The following SRSF4 variants were observed in gnomAD, a reference collection of about 807,000 sequenced individuals.
SRSF4 encodes serine/arginine-rich splicing factor 4.
A neutral mutation model predicts 48.8 loss-of-function variants in SRSF4; 12 were observed. The observed-to-expected ratio is 0.25, with a 90% CI of 0.16 to 0.40. SRSF4 has a LOEUF of 0.40. Among genes scored for constraint, SRSF4 ranks in the 10% least tolerant of loss-of-function variants. The pLI, the probability that SRSF4 is intolerant of heterozygous loss-of-function variation, is 1.00. For missense variants in SRSF4, 466 were observed against 667.1 expected (o/e 0.70, Z 3.32); for synonymous variants, 248 against 232.5 (o/e 1.07, Z -0.61).
At position 29,148,569 on chromosome 1, in the gene SRSF4, G is replaced by A. The variant is rs554025721; in HGVS notation, c.1326C>T (p.Ser442=). Residue 442 remains serine (S), a synonymous_variant, in exon 6 of 6, where the codon TCC becomes TCT. Transcript: ENST00000373795. Reference sequence around the variant, plus strand: ...TCGATTTGGAATTGGATCTCGACCTGGACCGGGTCTCCTGATTGGTGCCAG... The same window carrying A: ...TCGATTTGGAATTGGATCTCGACCTAGACCGGGTCTCCTGATTGGTGCCAG... ...ENAGTNQETR[S]RSRSNSKSKP... The A allele has an allele frequency of 1.7e-5, 27 of 1,614,084 alleles. No homozygotes were observed. In the East Asian group the frequency reaches 6.0e-4, roughly 36 times the overall value.
At chr1:29,164,511 T>C (rs1480996769) in intron 1 of SRSF4, among the ~76,000 whole-genome samples, 1 of 152,248 alleles carries the variant, frequency 6.6e-6, no homozygotes. Context: ...TACATACTAT[T>C]ATATGTATGC....
intron 1 of SRSF4, chr1:29,171,986 C>T (rs958169470): frequency 6.6e-6 from 1 of 152,094 alleles, no homozygotes; most frequent in Non-Finnish European, 1.5e-5. Context: ...TGAACCAGGG[C>T]AATTTACGCT....
Position 29,160,521 on chromosome 1 carries a change from G to C in SRSF4, c.108-4C>G, listed in dbSNP as rs370259742. 1 of 1,598,874 alleles carries C rather than the reference G, an allele frequency of 6.3e-7. No individual in the cohort carries two copies. Among genetic ancestry groups the C allele is most frequent in the Non-Finnish European group, 8.5e-7 (1 of 1,174,280 alleles). On this transcript the variant is annotated splice_region_variant and splice_polypyrimidine_tract_variant and intron_variant, in intron 1 of 5. Transcript: ENST00000373795. ...ATCAAACTCCACAAAACCATATCTA[G>C]AAGAGAGCAAAGAAAATACTGGTTG...
intron 1 of SRSF4, among the ~76,000 whole-genome samples, chr1:29,162,210 G>C (rs1055936383): frequency 6.6e-6 from 1 of 152,200 alleles, no homozygotes; most frequent in Non-Finnish European, 1.5e-5. Context: ...TTAAAACATA[G>C]TTTCACGCTT....
In SRSF4 at chr1:29,159,366, G is replaced by T; in HGVS notation, c.363+8C>A. On this transcript the variant is annotated splice_region_variant and intron_variant, in intron 3 of 5. Transcript: ENST00000373795. ...AACCTTACCCCAAAAGGTTAATGGG[G>T]CCCAAACCTTTAGGTCTTGCCAGCT... 6.2e-7 allele frequency: 1 copy of T among 1,605,102 alleles called. No individual in the cohort carries two copies. The highest frequency in any genetic ancestry group is 8.5e-7 in the Non-Finnish European group (1 of 1,172,324).
At chr1:29,157,119 A>C (rs1672513255) in intron 3 of SRSF4, among the ~76,000 whole-genome samples, 2 of 152,144 alleles carry the variant, frequency 1.3e-5, no homozygotes, top group Non-Finnish European at 2.9e-5. Flanking sequence ...CAGTGCTTCA[A>C]AGGAGTGTCT....
At position 29,147,935 on chromosome 1, in the gene SRSF4, C is replaced by G. The variant is rs1258256912; in HGVS notation, c.*475G>C. 1 of 361,866 alleles carries G rather than the reference C, an allele frequency of 2.8e-6. No individual in the cohort carries two copies. The highest frequency in any genetic ancestry group is 7.4e-5 in the East Asian group (1 of 13,490). The allele number at this position is 361,866 out of a possible 1,614,324, so 22.4% of individuals were successfully genotyped here. A position where few individuals can be genotyped will look rare whatever the true frequency, so the allele number is the denominator to read the frequency against. ...TGGGTTACTGCAGGTATCAATTTTC[C>G]TCGACTGTGCTATTCACAACTTTGT... is the stretch of plus-strand genomic sequence containing the variant. On this transcript the variant is annotated 3_prime_UTR_variant, in exon 6 of 6. Coordinates refer to ENST00000373795, the MANE Select transcript of SRSF4 (RefSeq NM_005626.5).
chr1:29,164,286 T>C (rs1347505871), intron 1 of SRSF4, among the ~76,000 whole-genome samples: 1 of 152,254 alleles, frequency 6.6e-6, no homozygotes, highest in African/African-American at 2.4e-5. Flanking sequence ...TTTTAGTTCA[T>C]TTAAACACTT....
At chr1:29,168,102 G>A (rs927121986) in intron 1 of SRSF4, among the ~76,000 whole-genome samples, 1 of 150,590 alleles carries the variant, frequency 6.6e-6, no homozygotes, top group Non-Finnish European at 1.5e-5. Flanking sequence ...TGCAACCTCT[G>A]ACCCTGGGCT....
intron 3 of SRSF4, among the ~76,000 whole-genome samples, chr1:29,156,331 C>T (rs1022874925): frequency 2.8e-5 from 4 of 144,374 alleles, no homozygotes; most frequent in East Asian, 2.0e-4. Flanking sequence ...CTAGCCCAGG[C>T]GACAGAGCAA....
intron 1 of SRSF4, chr1:29,169,275 AACCT>A (rs1478764027): frequency 2.6e-5 from 4 of 152,180 alleles, no homozygotes; most frequent in African/African-American, 9.7e-5. Flanking sequence ...GCTAACCTAA[AACCT>A]GCATTCTACC....
chr1:29,174,743 G>A (rs916035241), intron 1 of SRSF4, among the ~76,000 whole-genome samples: 3 of 147,250 alleles, frequency 2.0e-5, no homozygotes, highest in African/African-American at 7.5e-5. Context: ...GCCCGATCTA[G>A]GCTCATTGCA....
rs75669593 is a variant in SRSF4, at chr1:29,152,621, T to C, written c.578+2075A>G. On this transcript the variant is annotated intron_variant, in intron 4 of 5. Transcript: ENST00000373795. The stretch of plus-strand genomic sequence containing the variant: ...TTCAGAAACACCCTTTTCTGTTAGA[T>C]AGATAGGCATTTTCTCGACGGGCAC... 1.9e-3 allele frequency among the ~76,000 whole-genome samples: 292 copies of C among 152,238 alleles called. 1 individual carries two copies. The highest frequency in any genetic ancestry group is 6.4e-3 in the African/African-American group (264 of 41,558).
intron 1 of SRSF4, among the ~76,000 whole-genome samples, chr1:29,161,542 G>A (rs2151816441): frequency 6.6e-6 from 1 of 152,282 alleles, no homozygotes; most frequent in South Asian, 2.1e-4. Flanking sequence ...CAAGTTACAA[G>A]ACTTGTCAGA....
At chr1:29,155,447 G>A (rs1292238646) in intron 3 of SRSF4, among the ~76,000 whole-genome samples, 1 of 151,950 alleles carries the variant, frequency 6.6e-6, no homozygotes, top group East Asian at 1.9e-4. Flanking sequence ...AAAAAATAAA[G>A]TTTTGTGTGA....
Position 29,149,099 on chromosome 1 carries a change from G to A in SRSF4, c.796C>T (p.Arg266Cys), listed in dbSNP as rs753974067. ...RSRSHSAGKS[R>C]SKSKDQAEEK... ...TCAGCTTGGTCTTTGCTCTTGCTGCGGCTCTTGCCAGCGCTATGGCTGCGG... is the reference window on the plus strand; with the variant it reads ...TCAGCTTGGTCTTTGCTCTTGCTGCAGCTCTTGCCAGCGCTATGGCTGCGG... The change falls in exon 6 of 6, where the codon CGC (arginine) becomes TGC (cysteine). Residue 266 changes from arginine to cysteine, a missense_variant. Arg to Cys is a radical substitution (Grantham distance 180). This residue lies in a region of SRSF4 where 402 missense variants were observed against 437.0 expected (regional missense o/e 0.92). Coordinates refer to ENST00000373795, the MANE Select transcript of SRSF4 (RefSeq NM_005626.5). 1.2e-5 allele frequency: 19 copies of A among 1,611,686 alleles called. No homozygotes were observed. The highest frequency in any genetic ancestry group is 1.1e-4 in the South Asian group (10 of 90,990).
intron 4 of SRSF4, 166 bp downstream of exon 4, chr1:29,154,529 TA>T (rs756304907): frequency 2.4e-4 from 160 of 674,862 alleles, no homozygotes; most frequent in Middle Eastern, 4.1e-4. Flanking sequence ...ACTCATGACC[TA>T]AGAGTTCAAG....
In SRSF4 at chr1:29,178,353, C is replaced by CTTCTTTTTTTTTT. The variant is rs141096220; in HGVS notation, c.107+3292_107+3293insAAAAAAAAAAGAA. Among the ~76,000 whole-genome samples the CTTCTTTTTTTTTT allele has an allele frequency of 1.0e-3, 134 of 127,858 alleles. 3 individuals are homozygous for CTTCTTTTTTTTTT. Among genetic ancestry groups the CTTCTTTTTTTTTT allele is most frequent in the Middle Eastern group, 4.6e-3 (1 of 216 alleles). The allele number at this position is 127,858 out of a possible 152,430, so 83.9% of individuals were successfully genotyped here. A position where few individuals can be genotyped will look rare whatever the true frequency, so the allele number is the denominator to read the frequency against. On this transcript the variant is annotated intron_variant, in intron 1 of 5. Coordinates refer to ENST00000373795, the MANE Select transcript of SRSF4 (RefSeq NM_005626.5). Reference sequence around the variant, plus strand: ...AAAATCTGTTTCTGAGTTTCAATTACTTTTTTTTTTGAGACAGAGTCTCGC... The same window carrying CTTCTTTTTTTTTT: ...AAAATCTGTTTCTGAGTTTCAATTACTTCTTTTTTTTTTTTTTTTTTTTGAGACAGAGTCTCGC...
At chr1:29,149,687 G>GAAAAAAA (rs539756933) in intron 5 of SRSF4, among the ~76,000 whole-genome samples, 2 of 92,530 alleles carry the variant, frequency 2.2e-5, no homozygotes, top group African/African-American at 3.6e-5. Flanking sequence ...TCTTGAGGGG[G>GAAAAAAA]GAAAAAAAAA....
Sources: gnomAD v4.1 joint callset for allele counts (sites outside exome capture counted in the v4.1 genomes callset) on GRCh38, gnomAD v4.1.1 for gene constraint, gnomAD v4.1.1 regional missense constraint, MANE v1.5 for transcripts, NCBI Gene and HGNC (gene_info 2026-07-23, HGNC 2026-07-21) for gene names.